The following LMX1B variants were observed in gnomAD, a reference collection of about 807,000 sequenced individuals.
LMX1B encodes the protein LIM homeobox transcription factor 1 beta.
Under a neutral mutation model 51.4 loss-of-function variants are expected in LMX1B, and 12 were observed. That is an observed-to-expected ratio of 0.23 (90% CI 0.15 to 0.38). LMX1B has a LOEUF of 0.38. Among genes scored for constraint, LMX1B ranks in the 10% least tolerant of loss-of-function variants. LMX1B has a pLI of 1.00. For missense variants in LMX1B, 445 were observed against 571.1 expected (o/e 0.78, Z 2.25); for synonymous variants, 237 against 235.4 (o/e 1.01, Z -0.06).
At chr9:126,647,040 T>C (rs1835915399) in intron 2 of LMX1B, among the ~76,000 whole-genome samples, 1 of 152,176 alleles carries the variant, frequency 6.6e-6, no homozygotes, top group Non-Finnish European at 1.5e-5. Flanking sequence ...TTTGACCAAA[T>C]ATTGTTTTAA....
chr9:126,647,859 C>G (rs970969660), intron 2 of LMX1B, among the ~76,000 whole-genome samples: 3 of 152,232 alleles, frequency 2.0e-5, no homozygotes, highest in Non-Finnish European at 4.4e-5. Flanking sequence ...TGAGGCAGTT[C>G]CAGGCATGGA....
intron 3 of LMX1B, among the ~76,000 whole-genome samples, chr9:126,692,067 A>G (rs1222608748): frequency 6.6e-6 from 1 of 152,190 alleles, no homozygotes; most frequent in African/African-American, 2.4e-5. Flanking sequence ...GCCAGGCCCC[A>G]TGGGTAACCT....
At position 126,673,112 on chromosome 9, in the gene LMX1B, A is replaced by C. The variant is rs1836489861; in HGVS notation, c.327-17724A>C. 6.6e-6 allele frequency among the ~76,000 whole-genome samples: 1 copy of C among 152,172 alleles called. No individual in the cohort carries two copies. The highest frequency in any genetic ancestry group is 2.1e-4 in the South Asian group (1 of 4,834). ...GCACAAGGCTCAGTTTTCTCATCTGAGAAATGGGAAGACTCATTCTCCTTG... is the reference window on the plus strand; with the variant it reads ...GCACAAGGCTCAGTTTTCTCATCTGCGAAATGGGAAGACTCATTCTCCTTG... On this transcript the variant is annotated intron_variant, in intron 2 of 7. Coordinates refer to ENST00000373474, the MANE Select transcript of LMX1B (RefSeq NM_001174147.2). The surrounding 1 kb of genome is among the most constrained non-coding windows in gnomAD (Gnocchi z 4.4).
rs1588310223 is a variant in LMX1B, at chr9:126,696,587, G to A, written c.*136G>A. The A allele has an allele frequency of 9.9e-7, 1 of 1,011,102 alleles. No homozygotes were observed. The highest frequency in any genetic ancestry group is 2.5e-5 in the East Asian group (1 of 39,956). 62.6% of individuals were successfully genotyped at this position (1,011,102 alleles called of 1,614,324 possible). On this transcript the variant is annotated 3_prime_UTR_variant, in exon 8 of 8. Transcript: ENST00000373474. ...TACGGTGCCCTCCCCTCGGCCAGCT[G>A]GGCCTGACCACTGTGCCCGTTGGGT... is the stretch of plus-strand genomic sequence containing the variant.
chr9:126,638,003 C>T lies in LMX1B; in HGVS notation c.326+22434C>T, dbSNP rs746361373. Among the ~76,000 whole-genome samples the T allele has an allele frequency of 3.0e-4, 46 of 152,244 alleles. No homozygotes were observed. The Middle Eastern group carries it at 0.017, about 56-fold the overall frequency. Reference sequence around the variant, plus strand: ...CGCACAATCCCCACTCCTCCCGCTCCGCAGCCCTGCCCGGGGACCTGCTTT... The same window carrying T: ...CGCACAATCCCCACTCCTCCCGCTCTGCAGCCCTGCCCGGGGACCTGCTTT... On this transcript the variant is annotated intron_variant, in intron 2 of 7. Coordinates refer to ENST00000373474, the MANE Select transcript of LMX1B (RefSeq NM_001174147.2).
In LMX1B at chr9:126,633,256, C is replaced by A. The variant is rs146975015; in HGVS notation, c.326+17687C>A. Among the ~76,000 whole-genome samples the A allele has an allele frequency of 2.6e-4, 40 of 152,348 alleles. 1 individual carries two copies. Among genetic ancestry groups the A allele is most frequent in the Non-Finnish European group, 4.6e-4 (31 of 68,032 alleles). On this transcript the variant is annotated intron_variant, in intron 2 of 7. Coordinates refer to ENST00000373474, the MANE Select transcript of LMX1B (RefSeq NM_001174147.2). ...GGGAACTCGAACTCTCGAGGTGAAG[C>A]CCATGAGTCTACATTTCCAGATGGC...
intron 4 of LMX1B, 81 bp from the exon 5 acceptor site, chr9:126,693,443 C>T (rs2030212219): frequency 1.3e-6 from 2 of 1,549,412 alleles, no homozygotes; most frequent in Non-Finnish European, 8.9e-7. Flanking sequence ...TCTCTCCGCA[C>T]ATCCCATCAT....
rs75375867 is a variant in LMX1B, at chr9:126,622,675, G to A, written c.326+7106G>A. 2.4e-4 allele frequency among the ~76,000 whole-genome samples: 37 copies of A among 152,364 alleles called. No homozygotes were observed. In the East Asian group the frequency reaches 6.6e-3, roughly 27 times the overall value. On this transcript the variant is annotated intron_variant, in intron 2 of 7. Coordinates refer to ENST00000373474, the MANE Select transcript of LMX1B (RefSeq NM_001174147.2). ...ATTCCTGGATTGCTATAGTTACTGG[G>A]CTGTTGGGTGTGGGCGCCAGACCAG...
intron 2 of LMX1B, among the ~76,000 whole-genome samples, chr9:126,657,244 G>A (rs62578139): frequency 0.12 from 17,713 of 152,268 alleles, 1,354 homozygotes; most frequent in Middle Eastern, 0.24. Flanking sequence ...GCTTGGCAAA[G>A]TGAACATAAG....
chr9:126,629,445 A>T (rs1206206646), intron 2 of LMX1B, among the ~76,000 whole-genome samples: 1 of 152,198 alleles, frequency 6.6e-6, no homozygotes, highest in Non-Finnish European at 1.5e-5. Context: ...AGGTAAGACA[A>T]CCGAGGCACA....
chr9:126,698,150 C>CA lies in LMX1B; in HGVS notation c.*1700dup, dbSNP rs1311534638. On this transcript the variant is annotated 3_prime_UTR_variant, in exon 8 of 8. Transcript: ENST00000373474. ...TCGGCCTCCCAAAGTGCTGGGATTA[C>CA]AGGCGTGAGCCACCGCACCCAGTCT... 1 of 152,556 alleles carries CA rather than the reference C, an allele frequency of 6.6e-6. No individual in the cohort carries two copies. The highest frequency in any genetic ancestry group is 2.4e-5 in the African/African-American group (1 of 41,464). 9.5% of individuals were successfully genotyped at this position (152,556 alleles called of 1,614,324 possible). A position where few individuals can be genotyped will look rare whatever the true frequency, so the allele number is the denominator to read the frequency against.
At chr9:126,678,704 CAA>C (rs1218180269) in intron 2 of LMX1B, among the ~76,000 whole-genome samples, 1 of 152,104 alleles carries the variant, frequency 6.6e-6, no homozygotes, top group African/African-American at 2.4e-5. Context: ...ACAAATTAAC[CAA>C]AGAGTCCATC....
chr9:126,621,663 T>C (rs1315317865), intron 2 of LMX1B, among the ~76,000 whole-genome samples: 1 of 20,208 alleles, frequency 4.9e-5, no homozygotes, highest in East Asian at 9.9e-4. Context: ...TTCTTTTTTT[T>C]TTTTTTTTTT....
At chr9:126,675,650 G>C (rs924858794) in intron 2 of LMX1B, among the ~76,000 whole-genome samples, 11 of 151,676 alleles carry the variant, frequency 7.3e-5, no homozygotes, top group African/African-American at 2.7e-4. Flanking sequence ...GCTTGAACCC[G>C]GGAGGCAGAG....
rs756664414 is a variant in LMX1B, at chr9:126,625,723, C to T, written c.326+10154C>T. On this transcript the variant is annotated intron_variant, in intron 2 of 7. Transcript: ENST00000373474. The surrounding 1 kb of genome is among the most constrained non-coding windows in gnomAD (Gnocchi z 5.3). ...GCCACCTCCGCCGCCGCCGCCGCCA[C>T]CCTCGTCCCACCGTTTGCAGGGCTT... 1.3e-5 allele frequency among the ~76,000 whole-genome samples: 2 copies of T among 152,238 alleles called. No homozygotes were observed. Among genetic ancestry groups the T allele is most frequent in the Non-Finnish European group, 2.9e-5 (2 of 68,036 alleles).
intron 2 of LMX1B, among the ~76,000 whole-genome samples, chr9:126,645,065 CTG>C (rs1835875440): frequency 1.3e-5 from 2 of 152,328 alleles, no homozygotes; most frequent in East Asian, 1.9e-4. Context: ...TCCTGCCACG[CTG>C]TGTTGTTCCA....
chr9:126,676,285 C>T (rs1339028029), intron 2 of LMX1B, among the ~76,000 whole-genome samples: 1 of 152,186 alleles, frequency 6.6e-6, no homozygotes, highest in Non-Finnish European at 1.5e-5. Context: ...CCCTCCTCTC[C>T]CCGTCTCAGC....
At chr9:126,669,687 T>G (rs1162866745) in intron 2 of LMX1B, among the ~76,000 whole-genome samples, 1 of 152,158 alleles carries the variant, frequency 6.6e-6, no homozygotes, top group Non-Finnish European at 1.5e-5. Flanking sequence ...GCAGTATGTT[T>G]CTCTGTGCAA....
chr9:126,645,110 T>TC (rs1044660061), intron 2 of LMX1B, among the ~76,000 whole-genome samples: 382 of 151,908 alleles, frequency 2.5e-3, no homozygotes, highest in African/African-American at 8.8e-3. Context: ...CTGGCTGGGT[T>TC]CCCCCCCTAC....
Sources: allele counts gnomAD v4.1 joint callset (sites outside exome capture counted in the v4.1 genomes callset), GRCh38; gene constraint gnomAD v4.1.1; non-coding constraint Gnocchi (gnomAD v3.1); transcripts MANE v1.5; gene names NCBI Gene and HGNC (gene_info 2026-07-23, HGNC 2026-07-21).